GLB1L2: variants seen among roughly 807,000 people sequenced by gnomAD.
GLB1L2 encodes the protein beta-galactosidase-1-like protein 2.
GLB1L2 carries 68 observed loss-of-function variants against 84.1 expected under a neutral mutation model. That is an observed-to-expected ratio of 0.81 (90% CI 0.67 to 0.99). The LOEUF is 0.99. Ranked by LOEUF, GLB1L2 falls within the 50% of genes least tolerant of loss-of-function variation. The probability of loss-of-function intolerance (pLI) is 0.00; values close to 1 mark genes in which losing one functional copy is unlikely to be tolerated. For synonymous variants in GLB1L2, 290 were observed against 318.0 expected (o/e 0.91, Z 0.94); for missense variants, 762 against 805.6 (o/e 0.95, Z 0.66).
chr11:134,368,902 TGGAGA>T, intron 10 of GLB1L2, 121 bp downstream of exon 10: 8 of 1,020,526 alleles, frequency 7.8e-6, no homozygotes, highest in Non-Finnish European at 1.1e-5. Flanking sequence ...ATAGAGTACC[TGGAGA>T]AGGTACTTGC....
In GLB1L2 at chr11:134,342,854, A is replaced by G. The variant is rs1943488572; in HGVS notation, c.187A>G (p.Ile63Val). Residue 63 changes from isoleucine (I) to valine (V), a missense_variant, in exon 2 of 19, where the codon ATC (isoleucine) becomes GTC (valine). By Grantham distance (29) the Ile-to-Val change is conservative (BLOSUM62 3). This residue lies in a region of GLB1L2 where 100 missense variants were observed against 88.8 expected (regional missense o/e 1.13). Coordinates refer to ENST00000535456, the MANE Select transcript of GLB1L2 (RefSeq NM_001370461.1). The part of the protein sequence containing the change: ...NFMLEDSTFW[I>V]FGGSIHYFRV... ...CATGCTGGAGGATTCCACCTTCTGG[A>G]TCTTCGGGGGCTCCATCCACTATTT... is the stretch of plus-strand genomic sequence containing the variant. 6.2e-7 allele frequency: 1 copy of G among 1,613,844 alleles called. No individual in the cohort carries two copies. The highest frequency in any genetic ancestry group is 8.5e-7 in the Non-Finnish European group (1 of 1,180,038).
At chr11:134,344,900 C>T in intron 3 of GLB1L2, 134 bp from the exon 4 acceptor site, 2 of 1,040,284 alleles carry the variant, frequency 1.9e-6, no homozygotes, top group Non-Finnish European at 2.8e-6. Flanking sequence ...TGTGGGAGTC[C>T]CCGCGCTTTG....
At chr11:134,349,461 G>A (rs537671886) in intron 5 of GLB1L2, among the ~76,000 whole-genome samples, 1 of 152,358 alleles carries the variant, frequency 6.6e-6, no homozygotes, top group Admixed American at 6.5e-5. Flanking sequence ...ATACCTAGAA[G>A]TGAAATTGCT....
intron 1 of GLB1L2, among the ~76,000 whole-genome samples, chr11:134,336,478 T>C (rs2136255524): frequency 6.6e-6 from 1 of 152,344 alleles, no homozygotes; most frequent in African/African-American, 2.4e-5. Flanking sequence ...TAAACAGCCT[T>C]CTACTGATGG....
At chr11:134,355,804 C>A (rs1257355289) in intron 5 of GLB1L2, among the ~76,000 whole-genome samples, 1 of 152,208 alleles carries the variant, frequency 6.6e-6, no homozygotes, top group Non-Finnish European at 1.5e-5. Flanking sequence ...CCATGTCAGA[C>A]AAGACAGAAA....
intron 6 of GLB1L2, among the ~76,000 whole-genome samples, chr11:134,357,020 T>C (rs989008406): frequency 6.6e-6 from 1 of 152,220 alleles, no homozygotes; most frequent in African/African-American, 2.4e-5. Context: ...TATTTACCTT[T>C]CCAAATTGTG....
At chr11:134,366,640 A>G (rs891677194) in intron 8 of GLB1L2, among the ~76,000 whole-genome samples, 4 of 152,232 alleles carry the variant, frequency 2.6e-5, no homozygotes, top group African/African-American at 9.6e-5. Flanking sequence ...CAAAGTCAGT[A>G]TTCAGAAAGA....
chr11:134,374,496 C>G (rs1943999163), intron 17 of GLB1L2, 106 bp from the exon 18 acceptor site: 1 of 901,914 alleles, frequency 1.1e-6, no homozygotes, highest in Non-Finnish European at 1.8e-6. Context: ...TGTCCAGACA[C>G]AGCTCGCTTT....
chr11:134,356,889 T>G (rs1435555390), intron 6 of GLB1L2, among the ~76,000 whole-genome samples: 1 of 152,242 alleles, frequency 6.6e-6, no homozygotes, highest in Non-Finnish European at 1.5e-5. Flanking sequence ...AGAGCCACAC[T>G]TAAAATAACA....
chr11:134,344,872 C>G, intron 3 of GLB1L2, among the ~76,000 whole-genome samples, 162 bp from the exon 4 acceptor site: 1 of 152,242 alleles, frequency 6.6e-6, no homozygotes, highest in Non-Finnish European at 1.5e-5. Context: ...CTGGGAGCAG[C>G]TCAGGCCACC....
intron 5 of GLB1L2, among the ~76,000 whole-genome samples, chr11:134,352,965 G>T (rs73604966): frequency 0.067 from 10,124 of 152,056 alleles, 843 homozygotes; most frequent in East Asian, 0.32. Flanking sequence ...ATTTTCTAAT[G>T]TCTCTTGTGA....
intron 6 of GLB1L2, among the ~76,000 whole-genome samples, chr11:134,357,726 C>T (rs1416080154): frequency 6.6e-6 from 1 of 152,248 alleles, no homozygotes; most frequent in Non-Finnish European, 1.5e-5. Flanking sequence ...GAAGCAGCAG[C>T]GTCCAGCCTC....
chr11:134,367,885 G>C (rs768151403), intron 9 of GLB1L2, among the ~76,000 whole-genome samples: 5 of 152,246 alleles, frequency 3.3e-5, no homozygotes, highest in Non-Finnish European at 5.9e-5. Context: ...TGTTTCTGGT[G>C]GTTCTGTTAA....
intron 2 of GLB1L2, 73 bp from the exon 3 acceptor site, chr11:134,344,314 T>C: frequency 6.4e-7 from 1 of 1,572,804 alleles, no homozygotes; most frequent in Non-Finnish European, 8.8e-7. Flanking sequence ...ATTTTTGGGC[T>C]AAAGAAGGTA....
intron 5 of GLB1L2, among the ~76,000 whole-genome samples, chr11:134,352,292 G>T (rs1943644803): frequency 6.6e-6 from 1 of 152,112 alleles, no homozygotes; most frequent in African/African-American, 2.4e-5. Context: ...AAAATCAGCA[G>T]TAATAGCCTC....
At position 134,367,429 on chromosome 11, in the gene GLB1L2, T is replaced by C. The variant is rs1591623565; in HGVS notation, c.889+88T>C. The stretch of plus-strand genomic sequence containing the variant: ...GTCACCTGCTAACTAATGTAAGCCA[T>C]AGGGGGTGCAAGGCTGCTGGGATTA... On this transcript the variant is annotated intron_variant, in intron 9 of 18. Transcript: ENST00000535456. 9.9e-6 allele frequency: 11 copies of C among 1,109,460 alleles called. No individual in the cohort carries two copies. The Admixed American group carries it at 1.6e-4, about 17-fold the overall frequency. The allele number at this position is 1,109,460 out of a possible 1,614,324, so 68.7% of individuals were successfully genotyped here. A position where few individuals can be genotyped will look rare whatever the true frequency, so the allele number is the denominator to read the frequency against.
intron 6 of GLB1L2, 152 bp from the exon 7 acceptor site, chr11:134,358,908 G>C: frequency 1.8e-6 from 1 of 562,550 alleles, no homozygotes; most frequent in Non-Finnish European, 3.1e-6. Context: ...CGGTGCAGAT[G>C]GCAGGAGACT....
chr11:134,373,088 G>A (rs1943978631), intron 15 of GLB1L2, among the ~76,000 whole-genome samples: 1 of 152,162 alleles, frequency 6.6e-6, no homozygotes, highest in Non-Finnish European at 1.5e-5. Flanking sequence ...ACCCGCACCT[G>A]CCATTTCGGA....
chr11:134,371,293 C>A, intron 13 of GLB1L2, 128 bp from the exon 14 acceptor site: 5 of 1,228,130 alleles, frequency 4.1e-6, no homozygotes, highest in Non-Finnish European at 6.0e-6. Context: ...AGGGGGCATT[C>A]ATGTCTGCTC....
Sources: allele counts gnomAD v4.1 joint callset (sites outside exome capture counted in the v4.1 genomes callset), GRCh38; gene constraint gnomAD v4.1.1; regional missense constraint gnomAD v4.1.1; transcripts MANE v1.5; gene names NCBI Gene and HGNC (gene_info 2026-07-23, HGNC 2026-07-21).